Variants in MINDY3 observed in about 807,000 individuals in gnomAD.
MINDY3 encodes the protein ubiquitin carboxyl-terminal hydrolase MINDY-3.
MINDY3 carries 38 observed loss-of-function variants against 69.2 expected under a neutral mutation model. The observed-to-expected ratio is 0.55, with a 90% CI of 0.42 to 0.72. The LOEUF (loss-of-function observed/expected upper bound fraction) is 0.72, where lower values mean the gene tolerates loss of function less well. MINDY3 is among the 30% of genes least tolerant of loss of function. MINDY3 has a pLI of 0.00. For synonymous variants in MINDY3, 192 were observed against 180.1 expected (o/e 1.07, Z -0.53); for missense variants, 522 against 519.0 (o/e 1.01, Z -0.06).
intron 1 of MINDY3, among the ~76,000 whole-genome samples, chr10:15,858,788 G>T (rs1374837511): frequency 6.6e-6 from 1 of 152,140 alleles, no homozygotes; most frequent in South Asian, 2.1e-4. Context: ...AATGTTAACT[G>T]ATTACAATGG....
intron 10 of MINDY3, among the ~76,000 whole-genome samples, chr10:15,810,741 C>A (rs1838942515): frequency 6.6e-6 from 1 of 151,976 alleles, no homozygotes; most frequent in Non-Finnish European, 1.5e-5. Context: ...AAAAATCCTG[C>A]CATCACAGAG....
intron 10 of MINDY3, among the ~76,000 whole-genome samples, chr10:15,809,300 A>G (rs930028640): frequency 5.9e-5 from 9 of 152,228 alleles, no homozygotes; most frequent in Admixed American, 3.3e-4. Flanking sequence ...CAAATGTTAC[A>G]CAGCCTTCAT....
chr10:15,846,917 G>T (rs1371913787), intron 2 of MINDY3, among the ~76,000 whole-genome samples: 1 of 151,896 alleles, frequency 6.6e-6, no homozygotes, highest in East Asian at 1.9e-4. Flanking sequence ...TAGAGACGGG[G>T]TTTCACCATG....
At chr10:15,843,026 A>T (rs1833588518) in intron 3 of MINDY3, among the ~76,000 whole-genome samples, 186 bp downstream of exon 3, 1 of 151,732 alleles carries the variant, frequency 6.6e-6, no homozygotes, top group Admixed American at 6.6e-5. Flanking sequence ...ATCATGTCTT[A>T]TAACCCCTGG....
intron 1 of MINDY3, among the ~76,000 whole-genome samples, chr10:15,857,448 T>A (rs72781887): frequency 0.016 from 2,375 of 152,220 alleles, 25 homozygotes; most frequent in Non-Finnish European, 0.024. Context: ...CTACTGACTC[T>A]CAACTGTAAG....
intron 8 of MINDY3, among the ~76,000 whole-genome samples, chr10:15,831,649 G>C (rs969363986): frequency 4.8e-4 from 72 of 151,108 alleles, no homozygotes; most frequent in African/African-American, 1.7e-3. Flanking sequence ...TTCACGTCAA[G>C]AGCTGCCTAA....
At position 15,841,456 on chromosome 10, in the gene MINDY3, C is replaced by T. The variant is rs772926846; in HGVS notation, c.379G>A (p.Ala127Thr). Residue 127 changes from alanine to threonine, a missense_variant, in exon 4 of 15, where the codon GCA (alanine) becomes ACA (threonine). Ala to Thr is a moderately conservative substitution (Grantham distance 58). Coordinates refer to ENST00000277632, the MANE Select transcript of MINDY3 (RefSeq NM_024948.4). ...TGTTCCACTTGGCAACTAGACTCTG[C>T]AGGACTCCCAGAAATACTAGCAGTT... is the stretch of plus-strand genomic sequence containing the variant. Reference protein sequence around the residue: ...EETASISGSPAESSCQVEHSS... With the variant: ...EETASISGSPTESSCQVEHSS... 9.3e-6 allele frequency: 15 copies of T among 1,611,384 alleles called. No homozygotes were observed. In the South Asian group the frequency reaches 1.6e-4, roughly 18 times the overall value.
intron 2 of MINDY3, among the ~76,000 whole-genome samples, chr10:15,847,087 C>T (rs569151140): frequency 2.0e-5 from 3 of 152,182 alleles, no homozygotes; most frequent in South Asian, 2.1e-4. Context: ...TTTCAAAACA[C>T]GATGGTTAAA....
intron 10 of MINDY3, among the ~76,000 whole-genome samples, chr10:15,816,380 T>C (rs11813535): frequency 0.16 from 24,468 of 151,812 alleles, 4,073 homozygotes; most frequent in African/African-American, 0.43. Flanking sequence ...TTGTGGGAAG[T>C]ATTCCATCTT....
At chr10:15,800,968 G>A (rs1325569693) in intron 10 of MINDY3, among the ~76,000 whole-genome samples, 6 of 152,304 alleles carry the variant, frequency 3.9e-5, no homozygotes, top group Non-Finnish European at 2.9e-5. Flanking sequence ...AAGTAAAGGA[G>A]CTAAAGGTGG....
chr10:15,849,289 A>T (rs888169154), intron 1 of MINDY3, among the ~76,000 whole-genome samples: 1 of 152,214 alleles, frequency 6.6e-6, no homozygotes, highest in Non-Finnish European at 1.5e-5. Context: ...TAAATCAGAG[A>T]AAATTTAACA....
At chr10:15,786,499 A>C (rs879191823) in intron 13 of MINDY3, 62 bp downstream of exon 13, 1 of 1,023,550 alleles carries the variant, frequency 9.8e-7, no homozygotes, top group Admixed American at 2.0e-5. Flanking sequence ...AAAATGCTGC[A>C]AACAATCACA....
chr10:15,854,267 A>C (rs996882867), intron 1 of MINDY3, among the ~76,000 whole-genome samples: 1 of 152,132 alleles, frequency 6.6e-6, no homozygotes, highest in African/African-American at 2.4e-5. Flanking sequence ...TTATCTGAAA[A>C]GGCTACTACC....
chr10:15,821,239 A>C (rs926550569), intron 9 of MINDY3, among the ~76,000 whole-genome samples: 2 of 152,216 alleles, frequency 1.3e-5, no homozygotes, highest in Non-Finnish European at 2.9e-5. Context: ...TAAAAGTCAG[A>C]ATTTCAGGCA....
At chr10:15,837,637 G>A (rs1242127245) in intron 5 of MINDY3, 3 of 1,238,746 alleles carry the variant, frequency 2.4e-6, no homozygotes, top group African/African-American at 3.2e-5. Flanking sequence ...TGGCCTTCTT[G>A]TAAGAGGGGG....
At chr10:15,837,965 A>T (rs1833200997) in intron 5 of MINDY3, 1 of 961,050 alleles carries the variant, frequency 1.0e-6, no homozygotes, top group Non-Finnish European at 1.2e-6. Context: ...AGCTAAAATG[A>T]TTTTTTTTCA....
At chr10:15,834,391 A>C in intron 7 of MINDY3, 152 bp downstream of exon 7, 2 of 445,686 alleles carry the variant, frequency 4.5e-6, no homozygotes, top group Non-Finnish European at 8.0e-6. Context: ...CAAGCAAACA[A>C]TGCATAATAC....
At chr10:15,804,235 G>A (rs1005244151) in intron 10 of MINDY3, among the ~76,000 whole-genome samples, 9 of 151,954 alleles carry the variant, frequency 5.9e-5, no homozygotes, top group East Asian at 1.9e-4. Flanking sequence ...GCGGGGGGGC[G>A]GGGGATGGAA....
At chr10:15,801,314 A>C (rs1312900321) in intron 10 of MINDY3, among the ~76,000 whole-genome samples, 1 of 152,138 alleles carries the variant, frequency 6.6e-6, no homozygotes, top group East Asian at 1.9e-4. Context: ...CTTATTTATA[A>C]AACTGCTAAA....
Sources: allele counts gnomAD v4.1 joint callset (sites outside exome capture counted in the v4.1 genomes callset), GRCh38; gene constraint gnomAD v4.1.1; transcripts MANE v1.5; gene names NCBI Gene and HGNC (gene_info 2026-07-23, HGNC 2026-07-21).